The following PLEKHA5 variants were observed in gnomAD, a reference collection of about 807,000 sequenced individuals.
The protein encoded by PLEKHA5 is pleckstrin homology domain-containing family A member 5.
PLEKHA5 carries 55 observed loss-of-function variants against 181.9 expected under a neutral mutation model. That is an observed-to-expected ratio of 0.30 (90% CI 0.24 to 0.38). The LOEUF is 0.38. PLEKHA5 is among the 10% of genes least tolerant of loss of function. The pLI is 1.00. For synonymous variants in PLEKHA5, 535 were observed against 529.4 expected (o/e 1.01, Z -0.15); for missense variants, 1,432 against 1,549.5 (o/e 0.92, Z 1.27).
intron 3 of PLEKHA5, among the ~76,000 whole-genome samples, chr12:19,227,968 G>T (rs1427714316): frequency 6.6e-6 from 1 of 152,098 alleles, no homozygotes; most frequent in Non-Finnish European, 1.5e-5. Flanking sequence ...ATTCATTTCT[G>T]TAGTCATTCA....
chr12:19,292,547 C>T (rs574792716), intron 15 of PLEKHA5, among the ~76,000 whole-genome samples: 1 of 152,280 alleles, frequency 6.6e-6, no homozygotes, highest in Non-Finnish European at 1.5e-5. Flanking sequence ...TGGTCTTTGC[C>T]AACGTGTGTA....
intron 11 of PLEKHA5, among the ~76,000 whole-genome samples, chr12:19,277,992 T>A (rs1206259949): frequency 2.0e-5 from 3 of 152,190 alleles, no homozygotes; most frequent in Non-Finnish European, 4.4e-5. Flanking sequence ...GCTTAGAGTG[T>A]TCATTTCTTA....
At position 19,375,843 on chromosome 12, in the gene PLEKHA5, C is replaced by T. The variant is rs771735460; in HGVS notation, c.*324C>T. On this transcript the variant is annotated 3_prime_UTR_variant, in exon 32 of 32. Transcript: ENST00000429027. Reference sequence around the variant, plus strand: ...TACTTAGTTGCTGATTTCCAGATTTCGATGTTTCTTAAGTCTAGGTGAATT... The same window carrying T: ...TACTTAGTTGCTGATTTCCAGATTTTGATGTTTCTTAAGTCTAGGTGAATT... 1.3e-5 allele frequency: 2 copies of T among 152,370 alleles called. No homozygotes were observed. The highest frequency in any genetic ancestry group is 2.9e-5 in the Non-Finnish European group (2 of 68,004). 9.4% of individuals were successfully genotyped at this position (152,370 alleles called of 1,614,324 possible).
chr12:19,319,689 A>G, intron 16 of PLEKHA5: 1 of 174,662 alleles, frequency 5.7e-6, no homozygotes. Context: ...ATCAAAAGAC[A>G]AGAAAAATAG....
intron 10 of PLEKHA5, among the ~76,000 whole-genome samples, chr12:19,271,298 A>G (rs1379129191): frequency 1.3e-5 from 2 of 152,116 alleles, no homozygotes; most frequent in African/African-American, 2.4e-5. Flanking sequence ...TGAGCCCAGG[A>G]TTTTGAGATC....
chr12:19,368,476 A>T (rs559075243), intron 30 of PLEKHA5, among the ~76,000 whole-genome samples: 24 of 152,038 alleles, frequency 1.6e-4, no homozygotes, highest in Admixed American at 1.6e-3. Context: ...AGCCTGAGCA[A>T]CAGAGCAAGA....
At chr12:19,211,534 T>A (rs1458561313) in intron 3 of PLEKHA5, among the ~76,000 whole-genome samples, 3 of 152,158 alleles carry the variant, frequency 2.0e-5, no homozygotes, top group Non-Finnish European at 2.9e-5. Context: ...GCCTATGGAA[T>A]CCCTCTCAAC....
intron 21 of PLEKHA5, among the ~76,000 whole-genome samples, chr12:19,341,525 G>T (rs563595242): frequency 6.6e-6 from 1 of 151,884 alleles, no homozygotes; most frequent in South Asian, 2.1e-4. Flanking sequence ...GTTGTGTTTG[G>T]CTCTTGCATG....
chr12:19,371,374 T>C (rs71539470), intron 31 of PLEKHA5: 213 of 152,470 alleles, frequency 1.4e-3, no homozygotes, highest in Middle Eastern at 3.4e-3. Flanking sequence ...TTGGGTTACA[T>C]GGAAGAATTG....
intron 29 of PLEKHA5, among the ~76,000 whole-genome samples, chr12:19,365,500 A>G (rs1301737705): frequency 6.6e-6 from 1 of 152,208 alleles, no homozygotes; most frequent in South Asian, 2.1e-4. Context: ...AATAAAAGGG[A>G]TCTGGGGCAG....
intron 3 of PLEKHA5, among the ~76,000 whole-genome samples, chr12:19,156,337 A>T (rs531125216): frequency 2.0e-5 from 3 of 151,932 alleles, no homozygotes; most frequent in African/African-American, 7.2e-5. Flanking sequence ...ACTTTAGAAA[A>T]CTGATTTTAT....
At chr12:19,297,419 G>C (rs905262812) in intron 15 of PLEKHA5, among the ~76,000 whole-genome samples, 1 of 150,638 alleles carries the variant, frequency 6.6e-6, no homozygotes, top group Non-Finnish European at 1.5e-5. Context: ...TCAGGAGATC[G>C]AGACCATCCT....
In PLEKHA5 at chr12:19,368,723, A is replaced by G. The variant is rs192692399; in HGVS notation, c.3755-970A>G. 1.1e-4 allele frequency among the ~76,000 whole-genome samples: 17 copies of G among 152,240 alleles called. No individual in the cohort carries two copies. The East Asian group carries it at 2.7e-3, about 24-fold the overall frequency. On this transcript the variant is annotated intron_variant, in intron 30 of 31. Coordinates refer to ENST00000429027, the MANE Select transcript of PLEKHA5 (RefSeq NM_001256470.2). ...GGAGAATCGCTTGAACTTGGGAGGC[A>G]GAGGTTGTGATGAGCCGAGATCACG...
intron 15 of PLEKHA5, among the ~76,000 whole-genome samples, chr12:19,313,340 A>C (rs1002573462): frequency 1.3e-5 from 2 of 152,194 alleles, no homozygotes; most frequent in Non-Finnish European, 2.9e-5. Context: ...GGGCCACTGC[A>C]TTCCAATCTG....
Position 19,129,859 on chromosome 12 carries a change from C to A in PLEKHA5, c.60C>A (p.Ile20=). Residue 20 remains isoleucine (I), a synonymous_variant, in exon 1 of 32, where the codon ATC becomes ATA. Transcript: ENST00000429027. ...ISLPRSWTYG[I]TRGGRVFFIN... is the part of the protein sequence containing the mutation. ...TGCCCCGGTCCTGGACTTACGGGAT[C>A]ACCAGGGGCGGCCGAGTCTTCTTCA... 6.2e-7 allele frequency: 1 copy of A among 1,606,922 alleles called. No homozygotes were observed. The highest frequency in any genetic ancestry group is 8.5e-7 in the Non-Finnish European group (1 of 1,177,070).
At chr12:19,366,421 G>A (rs1367418720) in intron 30 of PLEKHA5, among the ~76,000 whole-genome samples, 3 of 152,138 alleles carry the variant, frequency 2.0e-5, no homozygotes, top group African/African-American at 4.8e-5. Context: ...TTGGGAGGCC[G>A]AGGCAGGTGG....
chr12:19,320,507 TA>T, intron 17 of PLEKHA5, 54 bp from the exon 18 acceptor site: 2 of 792,332 alleles, frequency 2.5e-6, no homozygotes, highest in Non-Finnish European at 2.2e-6. Context: ...ATTAATAGGG[TA>T]AATATATTTT....
At chr12:19,365,419 CA>C (rs944239431) in intron 29 of PLEKHA5, among the ~76,000 whole-genome samples, 105 of 151,586 alleles carry the variant, frequency 6.9e-4, no homozygotes, top group Non-Finnish European at 1.1e-3. Flanking sequence ...GGGATACAAT[CA>C]TCAGAATCCA....
chr12:19,245,739 A>T (rs937670948), intron 3 of PLEKHA5, among the ~76,000 whole-genome samples: 2 of 150,680 alleles, frequency 1.3e-5, no homozygotes, highest in Non-Finnish European at 3.0e-5. Flanking sequence ...AAAAAAAAAA[A>T]AAAAAAAAAA....
Sources: gnomAD v4.1 joint callset for allele counts (sites outside exome capture counted in the v4.1 genomes callset) on GRCh38, gnomAD v4.1.1 for gene constraint, MANE v1.5 for transcripts, NCBI Gene and HGNC (gene_info 2026-07-23, HGNC 2026-07-21) for gene names.